The following PCDHA8 variants were observed in gnomAD, a reference collection of about 807,000 sequenced individuals.
PCDHA8 encodes the protein protocadherin alpha 8.
A neutral mutation model predicts 61.8 loss-of-function variants in PCDHA8; 53 were observed. That is an observed-to-expected ratio of 0.86 (90% CI 0.69 to 1.08). The LOEUF (loss-of-function observed/expected upper bound fraction) is 1.08. Ranked by LOEUF, PCDHA8 falls within the 50% of genes least tolerant of loss-of-function variation. PCDHA8 has a pLI of 0.00. For synonymous variants in PCDHA8, 618 were observed against 556.6 expected (o/e 1.11, Z -1.55); for missense variants, 1,293 against 1,245.0 (o/e 1.04, Z -0.58).
chr5:140,929,532 G>T, intron 1 of PCDHA8: 1 of 602,214 alleles, frequency 1.7e-6, no homozygotes, highest in Non-Finnish European at 2.5e-6. Flanking sequence ...TTATTTTTGA[G>T]AAACAAGGGC....
intron 1 of PCDHA8, among the ~76,000 whole-genome samples, chr5:140,914,765 T>A (rs2076829694): frequency 6.6e-6 from 1 of 152,080 alleles, no homozygotes. Flanking sequence ...TTACATGAGG[T>A]TTATGACTTA....
chr5:140,909,437 C>T (rs2074495257), intron 1 of PCDHA8, among the ~76,000 whole-genome samples: 1 of 152,198 alleles, frequency 6.6e-6, no homozygotes, highest in African/African-American at 2.4e-5. Flanking sequence ...TGATAATCCA[C>T]TGTCATTCTC....
chr5:140,883,397 C>A, intron 1 of PCDHA8: 1 of 1,614,170 alleles, frequency 6.2e-7, no homozygotes. Flanking sequence ...TGTGTCCGAT[C>A]GTGACTCTGG....
intron 3 of PCDHA8, among the ~76,000 whole-genome samples, chr5:141,000,401 A>ATT (rs2097917579): frequency 1.3e-5 from 1 of 76,232 alleles, no homozygotes; most frequent in Non-Finnish European, 2.5e-5. Flanking sequence ...CTCTCTATAT[A>ATT]TATATATATA....
intron 3 of PCDHA8, among the ~76,000 whole-genome samples, chr5:141,005,862 G>A (rs376850991): frequency 6.6e-6 from 1 of 152,012 alleles, no homozygotes; most frequent in Non-Finnish European, 1.5e-5. Flanking sequence ...CAGGAGGGTC[G>A]ATTGAGTCCA....
At chr5:140,987,444 C>G (rs2097254283) in intron 3 of PCDHA8, among the ~76,000 whole-genome samples, 1 of 151,998 alleles carries the variant, frequency 6.6e-6, no homozygotes, top group African/African-American at 2.4e-5. Flanking sequence ...TCCCCATGCC[C>G]GAGAGATAAT....
chr5:140,851,796 T>C, intron 1 of PCDHA8: 3 of 954,006 alleles, frequency 3.1e-6, no homozygotes, highest in Non-Finnish European at 3.8e-6. Flanking sequence ...TCACTTGTTC[T>C]GTCAGTAATC....
In PCDHA8 at chr5:140,883,376, G is replaced by T. The variant is rs1276182742; in HGVS notation, c.2394+39661G>T. On this transcript the variant is annotated intron_variant, in intron 1 of 3. Transcript: ENST00000531613. The stretch of plus-strand genomic sequence containing the variant: ...AGACACTCAGCCTAGCGCCATTATT[G>T]CCCTAATCAGTGTGTCCGATCGTGA... 25 of 1,613,998 alleles carry T rather than the reference G, an allele frequency of 1.5e-5. No homozygotes were observed. The highest frequency in any genetic ancestry group is 2.0e-5 in the Non-Finnish European group (24 of 1,180,022).
chr5:140,871,272 G>A, intron 1 of PCDHA8: 2 of 1,613,942 alleles, frequency 1.2e-6, no homozygotes, highest in South Asian at 2.2e-5. Flanking sequence ...TGTGGTGGTC[G>A]GCAACGCCCA....
At chr5:140,892,563 T>G (rs1554185281) in intron 1 of PCDHA8, among the ~76,000 whole-genome samples, 2 of 152,248 alleles carry the variant, frequency 1.3e-5, no homozygotes, top group Admixed American at 6.5e-5. Context: ...CCTTGGAGAC[T>G]GTCAAAAGTA....
chr5:141,009,720 C>G lies in PCDHA8; in HGVS notation c.2636C>G (p.Ser879Cys), dbSNP rs782119637. ...FKYGPGNPKQ[S>C]GPGELPDKFI... ...TACGGACCAGGCAACCCCAAACAAT[C>G]CGGTCCCGGTGAGTTGCCCGACAAA... The change falls in exon 4 of 4, where the codon TCC (serine) becomes TGC (cysteine). Residue 879 changes from serine to cysteine, a missense_variant. Transcript: ENST00000531613. 1 of 1,614,180 alleles carries G rather than the reference C, an allele frequency of 6.2e-7. No individual in the cohort carries two copies. The highest frequency in any genetic ancestry group is 2.2e-5 in the East Asian group (1 of 44,872).
chr5:140,878,938 A>G (rs1413471911), intron 1 of PCDHA8, among the ~76,000 whole-genome samples: 1 of 152,226 alleles, frequency 6.6e-6, no homozygotes, highest in African/African-American at 2.4e-5. Flanking sequence ...TTTTAAATAA[A>G]TATATGGTAT....
At chr5:140,850,475 G>A (rs372827076) in intron 1 of PCDHA8, 1 of 1,598,006 alleles carries the variant, frequency 6.3e-7, no homozygotes, top group Middle Eastern at 1.7e-4. Flanking sequence ...CAGCGCTGAC[G>A]GCCACGGCCA....
intron 1 of PCDHA8, chr5:140,871,672 T>C (rs2053253410): frequency 2.6e-6 from 3 of 1,153,066 alleles, no homozygotes; most frequent in Non-Finnish European, 3.6e-6. Flanking sequence ...AGTCTTTTAA[T>C]CATATGAATA....
intron 1 of PCDHA8, chr5:140,861,648 T>C (rs1380826146): frequency 1.0e-5 from 3 of 287,022 alleles, no homozygotes; most frequent in African/African-American, 6.6e-5. Context: ...AAAGAATCTG[T>C]TTCTGAAACG....
At chr5:141,001,974 C>T (rs1375819013) in intron 3 of PCDHA8, among the ~76,000 whole-genome samples, 1 of 152,136 alleles carries the variant, frequency 6.6e-6, no homozygotes, top group African/African-American at 2.4e-5. Flanking sequence ...TGTCTCTGCG[C>T]GGAAAGCCTG....
At chr5:140,870,634 G>A (rs782716769) in intron 1 of PCDHA8, 49 of 1,612,744 alleles carry the variant, frequency 3.0e-5, no homozygotes, top group Non-Finnish European at 3.9e-5. Context: ...GTCGGTGCAC[G>A]CGGAGAGCGG....
intron 3 of PCDHA8, among the ~76,000 whole-genome samples, chr5:140,996,144 T>C (rs2097714056): frequency 6.6e-6 from 1 of 152,210 alleles, no homozygotes; most frequent in African/African-American, 2.4e-5. Context: ...TCCCATTATC[T>C]TGCCTTCCTT....
rs189785800 is a variant in PCDHA8 at position 141,012,340 on chromosome 5, G to A, written c.*2403G>A. ...TTATTGCTAATAAATGAAAATGGTG[G>A]TATGAAAGAAATGGTGGTCATTTCT... On this transcript the variant is annotated 3_prime_UTR_variant, in exon 4 of 4. Transcript: ENST00000531613. The A allele has an allele frequency of 3.6e-4, 55 of 153,812 alleles. No homozygotes were observed. The East Asian group carries it at 9.6e-3, about 27-fold the overall frequency. 9.5% of individuals were successfully genotyped at this position (153,812 alleles called of 1,614,324 possible).
Sources: allele counts gnomAD v4.1 joint callset (sites outside exome capture counted in the v4.1 genomes callset), GRCh38; gene constraint gnomAD v4.1.1; transcripts MANE v1.5; gene names NCBI Gene and HGNC (gene_info 2026-07-23, HGNC 2026-07-21).